Variants in MACF1 observed in about 807,000 individuals in gnomAD.
MACF1 encodes the protein microtubule-actin cross-linking factor 1.
In MACF1, 193 loss-of-function variants were observed where a neutral mutation model predicts 854.8. The observed-to-expected ratio is 0.23, with a 90% CI of 0.20 to 0.25. The LOEUF is 0.25. Among genes scored for constraint, MACF1 ranks in the 10% least tolerant of loss-of-function variants. The pLI is 1.00. For synonymous variants in MACF1, 3,185 were observed against 3,226.7 expected (o/e 0.99, Z 0.44); for missense variants, 7,722 against 8,929.1 (o/e 0.86, Z 5.45).
intron 35 of MACF1, among the ~76,000 whole-genome samples, chr1:39,325,661 C>T (rs756311250): frequency 2.8e-4 from 43 of 152,142 alleles, no homozygotes; most frequent in Non-Finnish European, 5.4e-4. Flanking sequence ...AAAGTACAAC[C>T]TTAAACAGGA....
chr1:39,411,729 T>C (rs774700639), intron 58 of MACF1: 1 of 1,613,778 alleles, frequency 6.2e-7, no homozygotes, highest in Non-Finnish European at 8.5e-7. Flanking sequence ...AGCTACAGAA[T>C]CAAATCTCTT....
intron 2 of MACF1, among the ~76,000 whole-genome samples, chr1:39,163,408 C>G (rs558337297): frequency 7.3e-4 from 110 of 150,704 alleles, no homozygotes; most frequent in East Asian, 1.9e-4. Flanking sequence ...ATAGTCATAC[C>G]TAATTTTTGG....
chr1:39,180,320 T>C (rs1311693734), intron 2 of MACF1, among the ~76,000 whole-genome samples: 18 of 151,750 alleles, frequency 1.2e-4, no homozygotes, highest in Non-Finnish European at 2.7e-4. Context: ...CCAATTGATA[T>C]AAAAGGAGAT....
At chr1:39,469,653 A>G in intron 97 of MACF1, 38 bp downstream of exon 97, 1 of 1,480,450 alleles carries the variant, frequency 6.8e-7, no homozygotes, top group Non-Finnish European at 9.2e-7. Flanking sequence ...CTCACACCCT[A>G]GCCCATTGAG....
At chr1:39,468,448 T>G (rs1644713449) in intron 95 of MACF1, 167 bp from the exon 96 acceptor site, 1 of 579,174 alleles carries the variant, frequency 1.7e-6, no homozygotes. Flanking sequence ...GCTTTTCTAT[T>G]TTTAAAATCC....
chr1:39,161,791 C>T (rs1352743899), intron 2 of MACF1, among the ~76,000 whole-genome samples: 6 of 151,614 alleles, frequency 4.0e-5, no homozygotes, highest in Non-Finnish European at 5.9e-5. Context: ...GGTGTGAACC[C>T]GGGAGGCAGA....
intron 2 of MACF1, among the ~76,000 whole-genome samples, chr1:39,244,174 G>A (rs1032333559): frequency 6.6e-6 from 1 of 151,778 alleles, no homozygotes; most frequent in Non-Finnish European, 1.5e-5. Context: ...GCACAATCTC[G>A]GCTCACTGCA....
At position 39,287,544 on chromosome 1, in the gene MACF1, T is replaced by C. The variant is rs1176770784; in HGVS notation, c.1767T>C (p.Ser589=). 6.2e-7 allele frequency: 1 copy of C among 1,614,220 alleles called. No homozygotes were observed. Among genetic ancestry groups the C allele is most frequent in the Non-Finnish European group, 8.5e-7 (1 of 1,180,032 alleles). ...GNLRFVYELL[S]WVEEMQMKLE... ...TCCGATTTGTGTATGAACTACTGTC[T>C]TGGGTAGAAGAGATGCAGGTGGGTG... Residue 589 remains serine (S), a synonymous_variant, in exon 15 of 101, where the codon TCT becomes TCC. Transcript: ENST00000564288.
chr1:39,251,718 C>T lies in MACF1; in HGVS notation c.262-128C>T, dbSNP rs111926389. 210 of 450,452 alleles carry T rather than the reference C, an allele frequency of 4.7e-4. 2 individuals are homozygous for T. The South Asian group carries it at 6.6e-3, about 14-fold the overall frequency. The allele number at this position is 450,452 out of a possible 1,614,324, so 27.9% of individuals were successfully genotyped here. A position where few individuals can be genotyped will look rare whatever the true frequency, so the allele number is the denominator to read the frequency against. ...TTTTGATTTAGTTTTGTATCTTTTT[C>T]GGAGGTGGGAGGGTATTTTCATATT... On this transcript the variant is annotated intron_variant, in intron 3 of 100. Transcript: ENST00000564288.
chr1:39,146,893 C>A (rs1195745739), intron 2 of MACF1, among the ~76,000 whole-genome samples: 1 of 152,112 alleles, frequency 6.6e-6, no homozygotes, highest in African/African-American at 2.4e-5. Flanking sequence ...GATGGATACC[C>A]TATTTACCCT....
Position 39,287,292 on chromosome 1 carries a change from G to A in MACF1, c.1515G>A (p.Met505Ile). ...TTCTCTTCTTCCATTTCAGGGTCAT[G>A]CGTCTTCAGGATGAGCTGGTCACCT... is the stretch of plus-strand genomic sequence containing the variant. ...YQLEELAFRV[M>I]RLQDELVTLR... The change falls in exon 15 of 101, where the codon ATG becomes ATA. Residue 505 changes from methionine to isoleucine, a missense_variant. Coordinates refer to ENST00000564288, the MANE Select transcript of MACF1 (RefSeq NM_001394062.1). 1 of 1,613,718 alleles carries A rather than the reference G, an allele frequency of 6.2e-7. No individual in the cohort carries two copies. The highest frequency in any genetic ancestry group is 1.3e-5 in the African/African-American group (1 of 74,986).
rs1472308648 is a variant in MACF1, at chr1:39,251,843, A to G, written c.262-3A>G. On this transcript the variant is annotated splice_polypyrimidine_tract_variant and splice_region_variant and intron_variant, in intron 3 of 100. Coordinates refer to ENST00000564288, the MANE Select transcript of MACF1 (RefSeq NM_001394062.1). ...GTGTCTTTGCCTTGGTTGGTGGCCAAAGGAGCCAGCAGGGCTGAAGACCCT... is the reference window on the plus strand; with the variant it reads ...GTGTCTTTGCCTTGGTTGGTGGCCAGAGGAGCCAGCAGGGCTGAAGACCCT... 5 of 1,393,064 alleles carry G rather than the reference A, an allele frequency of 3.6e-6. No individual in the cohort carries two copies. The highest frequency in any genetic ancestry group is 4.7e-6 in the Non-Finnish European group (5 of 1,070,860). The allele number at this position is 1,393,064 out of a possible 1,614,324, so 86.3% of individuals were successfully genotyped here.
chr1:39,463,290 C>T (rs1223922680), intron 93 of MACF1, among the ~76,000 whole-genome samples: 1 of 152,090 alleles, frequency 6.6e-6, no homozygotes, highest in Non-Finnish European at 1.5e-5. Flanking sequence ...AGTTCAAGGC[C>T]AGCCTGACCA....
intron 83 of MACF1, 30 bp from the exon 84 acceptor site, chr1:39,448,564 C>A (rs1644273792): frequency 6.9e-7 from 1 of 1,457,552 alleles, no homozygotes; most frequent in Non-Finnish European, 9.1e-7. Flanking sequence ...TGACTTTTAA[C>A]ACTTTTTTCT....
At chr1:39,461,356 G>GTAATA (rs1644548389) in intron 92 of MACF1, among the ~76,000 whole-genome samples, 1 of 152,136 alleles carries the variant, frequency 6.6e-6, no homozygotes, top group Admixed American at 6.6e-5. Flanking sequence ...GTGGGTGGTT[G>GTAATA]TAATATTATG....
intron 2 of MACF1, among the ~76,000 whole-genome samples, chr1:39,248,613 T>A (rs1020107518): frequency 1.3e-5 from 2 of 152,212 alleles, no homozygotes; most frequent in East Asian, 1.9e-4. Context: ...AAAATTATAG[T>A]AACTAAAATT....
intron 58 of MACF1, 34 bp downstream of exon 58, chr1:39,388,692 C>T: frequency 6.6e-7 from 1 of 1,506,582 alleles, no homozygotes; most frequent in Non-Finnish European, 8.8e-7. Context: ...TTTTCTTTTA[C>T]ATGTATTTAT....
intron 58 of MACF1, among the ~76,000 whole-genome samples, chr1:39,405,359 T>G (rs916864294): frequency 7.3e-5 from 11 of 151,466 alleles, no homozygotes; most frequent in Non-Finnish European, 1.6e-4. Flanking sequence ...AGATTTAAAA[T>G]GAGCAAGATC....
intron 58 of MACF1, chr1:39,414,170 C>T (rs1254627796): frequency 1.1e-5 from 17 of 1,612,554 alleles, no homozygotes; most frequent in Non-Finnish European, 1.4e-5. Context: ...GCAGTGCCCA[C>T]CCCAGAGGTG....
Sources: allele counts gnomAD v4.1 joint callset (sites outside exome capture counted in the v4.1 genomes callset), GRCh38; gene constraint gnomAD v4.1.1; transcripts MANE v1.5; gene names NCBI Gene and HGNC (gene_info 2026-07-23, HGNC 2026-07-21).